IL13RA1: variants seen among roughly 807,000 people sequenced by gnomAD.
IL13RA1 encodes the protein interleukin-13 receptor subunit alpha-1.
IL13RA1 carries 14 observed loss-of-function variants against 33.8 expected under a neutral mutation model. The observed-to-expected ratio is 0.41, with a 90% confidence interval of 0.27 to 0.65. IL13RA1 has a LOEUF of 0.65. IL13RA1 is among the 30% of genes least tolerant of loss of function. IL13RA1 has a pLI of 0.28. For missense variants in IL13RA1, 313 were observed against 327.0 expected (o/e 0.96, Z 0.33); for synonymous variants, 116 against 115.7 (o/e 1.00, Z -0.02).
At chrX:118,776,545 T>TTG (rs1556370932) in intron 10 of IL13RA1, 34 bp downstream of exon 10, 1 of 456,499 alleles carries the variant, frequency 2.2e-6, no homozygotes, top group African/African-American at 4.6e-5. Context: ...TGAAATGTTT[T>TTG]TTTTTTTTTT....
intron 7 of IL13RA1, 68 bp downstream of exon 7, chrX:118,766,645 A>G: frequency 1.5e-6 from 1 of 653,578 alleles, no homozygotes; most frequent in Non-Finnish European, 2.5e-6. Flanking sequence ...CATAGCCTAA[A>G]TATGAGCTGC....
At chrX:118,733,654 G>A (rs1009951487) in intron 1 of IL13RA1, among the ~76,000 whole-genome samples, 3 of 110,872 alleles carry the variant, frequency 2.7e-5, no homozygotes, top group Non-Finnish European at 3.8e-5. Flanking sequence ...TTTTTCTTTT[G>A]TTACCTACAT....
At position 118,791,756 on chromosome X, in the gene IL13RA1, T is replaced by G. The variant is rs145430802; in HGVS notation, c.1192-6T>G. 92 of 875,318 alleles carry G rather than the reference T, an allele frequency of 1.1e-4. No individual in the cohort carries two copies. The African/African-American group carries it at 1.5e-3, about 14-fold the overall frequency. 72.1% of individuals were successfully genotyped at this position (875,318 alleles called of 1,213,427 possible). A position where few individuals can be genotyped will look rare whatever the true frequency, so the allele number is the denominator to read the frequency against. ...ATTGTGTATGTGTTTTTTTCCTCCCTTCTAGCACTGGAAGAAGTACGACAT... is the reference window on the plus strand; with the variant it reads ...ATTGTGTATGTGTTTTTTTCCTCCCGTCTAGCACTGGAAGAAGTACGACAT... On this transcript the variant is annotated splice_region_variant and splice_polypyrimidine_tract_variant and intron_variant, in intron 10 of 10. Coordinates refer to ENST00000371666, the MANE Select transcript of IL13RA1 (RefSeq NM_001560.3).
intron 10 of IL13RA1, among the ~76,000 whole-genome samples, chrX:118,779,793 G>C (rs2245087): frequency 0.17 from 18,639 of 111,158 alleles, 1,450 homozygotes; most frequent in East Asian, 0.43. Context: ...ATTATGACTT[G>C]GTGAGTCTGT....
Position 118,791,991 on chromosome X carries a change from G to T in IL13RA1, c.*137G>T, listed in dbSNP as rs546114521. 2.8e-6 allele frequency: 1 copy of T among 362,967 alleles called. No individual in the cohort carries two copies. The highest frequency in any genetic ancestry group is 4.6e-5 in the East Asian group (1 of 21,545). 29.9% of individuals were successfully genotyped at this position (362,967 alleles called of 1,213,427 possible). On this transcript the variant is annotated 3_prime_UTR_variant, in exon 11 of 11. Transcript: ENST00000371666. ...AACAGGCAGCTCATAAGAGCCACAG[G>T]TCTTTATGTTGAGTCGCGCACCGAA...
At chrX:118,733,227 T>C (rs923243048) in intron 1 of IL13RA1, among the ~76,000 whole-genome samples, 10 of 112,281 alleles carry the variant, frequency 8.9e-5, no homozygotes, top group African/African-American at 2.9e-4. Flanking sequence ...CACCATACTG[T>C]TGTCCATAGT....
chrX:118,769,109 G>C (rs950119853), intron 8 of IL13RA1, among the ~76,000 whole-genome samples: 2 of 112,078 alleles, frequency 1.8e-5, no homozygotes, highest in Admixed American at 9.5e-5. Flanking sequence ...TACTGCTGCT[G>C]TTCTGTTTTT....
At chrX:118,743,442 T>G (rs749631430) in intron 2 of IL13RA1, among the ~76,000 whole-genome samples, 6 of 111,361 alleles carry the variant, frequency 5.4e-5, no homozygotes, top group African/African-American at 2.0e-4. Flanking sequence ...AAGAAAAGAT[T>G]AGTGTAAATG....
chrX:118,766,405 T>C, intron 6 of IL13RA1, 125 bp from the exon 7 acceptor site: 1 of 388,741 alleles, frequency 2.6e-6, no homozygotes. Flanking sequence ...CCAACCTTTT[T>C]TCACTGTACC....
intron 6 of IL13RA1, among the ~76,000 whole-genome samples, 185 bp from the exon 7 acceptor site, chrX:118,766,345 T>C (rs1212031124): frequency 1.8e-5 from 2 of 111,424 alleles, no homozygotes; most frequent in Non-Finnish European, 3.8e-5. Flanking sequence ...AGAATCTTTT[T>C]TTTTTTCATA....
At chrX:118,784,799 C>A (rs2017897640) in intron 10 of IL13RA1, among the ~76,000 whole-genome samples, 1 of 111,733 alleles carries the variant, frequency 8.9e-6, no homozygotes, top group African/African-American at 3.3e-5. Context: ...ATAGGTCCTG[C>A]GTTGCGTATC....
intron 2 of IL13RA1, 124 bp downstream of exon 2, chrX:118,741,280 T>A: frequency 2.1e-6 from 1 of 486,532 alleles, no homozygotes; most frequent in Non-Finnish European, 3.4e-6. Context: ...TGTTTAAATT[T>A]CAGTTGGGGA....
At chrX:118,781,021 G>A (rs993452739) in intron 10 of IL13RA1, among the ~76,000 whole-genome samples, 1 of 111,582 alleles carries the variant, frequency 9.0e-6, no homozygotes, top group Admixed American at 9.5e-5. Context: ...AAAGTTACTC[G>A]TGTTTTGATG....
At chrX:118,781,245 T>A (rs1192207164) in intron 10 of IL13RA1, among the ~76,000 whole-genome samples, 1 of 111,904 alleles carries the variant, frequency 8.9e-6, no homozygotes, top group African/African-American at 3.2e-5. Flanking sequence ...AACCAATTCT[T>A]ATTTTCAGCA....
chrX:118,795,227 A>AAAAAG (rs200347606), downstream of IL13RA1, among the ~76,000 whole-genome samples: 15,268 of 94,165 alleles, frequency 0.16, 1,508 homozygotes, highest in East Asian at 0.36. Context: ...AAAAAAAAAA[A>AAAAAG]AAAGAAAAAG....
rs1022438884 is a variant in IL13RA1 at position 118,792,080 on chromosome X, C to T, written c.*226C>T. ...GTCATTCTCATTGAATTATAAAAGC[C>T]AGCAGGCTTCAAACTAGGGGACAAA... On this transcript the variant is annotated 3_prime_UTR_variant, in exon 11 of 11. Coordinates refer to ENST00000371666, the MANE Select transcript of IL13RA1 (RefSeq NM_001560.3). 1 of 232,816 alleles carries T rather than the reference C, an allele frequency of 4.3e-6. No individual in the cohort carries two copies. Among genetic ancestry groups the T allele is most frequent in the Non-Finnish European group, 7.6e-6 (1 of 130,812 alleles). The allele number at this position is 232,816 out of a possible 1,213,427, so 19.2% of individuals were successfully genotyped here.
rs184168317 is a variant in IL13RA1 at position 118,755,646 on chromosome X, G to A, written c.489-2409G>A. On this transcript the variant is annotated intron_variant, in intron 4 of 10. Coordinates refer to ENST00000371666, the MANE Select transcript of IL13RA1 (RefSeq NM_001560.3). ...AAATTTCATTATCTGAGATCCATGA[G>A]CATATGCAGAATACTCAGGGTACAG... Among the ~76,000 whole-genome samples the A allele has an allele frequency of 3.0e-3, 331 of 112,116 alleles. 3 individuals carry two copies. Among genetic ancestry groups the A allele is most frequent in the African/African-American group, 9.9e-3 (305 of 30,864 alleles).
chrX:118,800,710 T>G, the IL13RA1 span, among the ~76,000 whole-genome samples: 2 of 111,272 alleles, frequency 1.8e-5, no homozygotes, highest in African/African-American at 6.5e-5. Context: ...GCTGAAGTGA[T>G]CATCCCACCT....
At chrX:118,767,077 A>G in intron 8 of IL13RA1, 101 bp downstream of exon 8, 1 of 429,929 alleles carries the variant, frequency 2.3e-6, no homozygotes, top group South Asian at 6.9e-5. Flanking sequence ...TGCTCTCTTG[A>G]TGTCAGGAAA....
Sources: allele counts gnomAD v4.1 joint callset (sites outside exome capture counted in the v4.1 genomes callset), GRCh38; gene constraint gnomAD v4.1.1; transcripts MANE v1.5; gene names NCBI Gene and HGNC (gene_info 2026-07-23, HGNC 2026-07-21).